The following PJA2 variants were observed in gnomAD, a reference collection of about 807,000 sequenced individuals.
PJA2 encodes the protein E3 ubiquitin-protein ligase Praja-2.
PJA2 carries 25 observed loss-of-function variants against 69.3 expected under a neutral mutation model. The ratio of observed to expected loss-of-function variants is 0.36; its 90% CI spans 0.26 to 0.50. The LOEUF is 0.50. Among genes scored for constraint, PJA2 ranks in the 20% least tolerant of loss-of-function variants. The pLI is 0.96. For synonymous variants in PJA2, 308 were observed against 277.8 expected (o/e 1.11, Z -1.08); for missense variants, 809 against 830.2 (o/e 0.97, Z 0.31).
chr5:109,360,064 G>A lies in PJA2; in HGVS notation c.1652+2776C>T, dbSNP rs920789884. Among the ~76,000 whole-genome samples, 20 of 152,168 alleles carry A rather than the reference G, an allele frequency of 1.3e-4. 1 individual carries two copies. The highest frequency in any genetic ancestry group is 4.8e-4 in the African/African-American group (20 of 41,452). On this transcript the variant is annotated intron_variant, in intron 6 of 9. Coordinates refer to ENST00000361189, the MANE Select transcript of PJA2 (RefSeq NM_014819.5). ...TAGGAAATCTTAGTGAAGGATACAT[G>A]AGGATTTTTGTACTATTTTTGCCAT...
In PJA2 at chr5:109,362,089, A is replaced by G. The variant is rs139086344; in HGVS notation, c.1652+751T>C. ...AAAAACAACACAAATTCTTAAAAAT[A>G]TATTTGTACAGAGAAAGAAACAAGT... On this transcript the variant is annotated intron_variant, in intron 6 of 9. Coordinates refer to ENST00000361189, the MANE Select transcript of PJA2 (RefSeq NM_014819.5). 6.6e-3 allele frequency among the ~76,000 whole-genome samples: 1,000 copies of G among 152,394 alleles called. 9 individuals carry two copies. The highest frequency in any genetic ancestry group is 0.023 in the African/African-American group (940 of 41,602).
chr5:109,398,239 T>A (rs1010442573), intron 1 of PJA2, among the ~76,000 whole-genome samples: 5 of 152,084 alleles, frequency 3.3e-5, no homozygotes, highest in Admixed American at 6.5e-5. Flanking sequence ...GGATCTAGAA[T>A]TAGAAATACC....
chr5:109,353,416 C>CATCTATATATTAGATACCTATATATAGAT lies in PJA2; in HGVS notation c.1764+2470_1764+2498dup, dbSNP rs1252285170. 8.4e-3 allele frequency among the ~76,000 whole-genome samples: 1,018 copies of CATCTATATATTAGATACCTATATATAGAT among 121,118 alleles called. 30 individuals are homozygous for CATCTATATATTAGATACCTATATATAGAT. Among genetic ancestry groups the CATCTATATATTAGATACCTATATATAGAT allele is most frequent in the African/African-American group, 0.024 (849 of 34,780 alleles). The allele number at this position is 121,118 out of a possible 152,430, so 79.5% of individuals were successfully genotyped here. A position where few individuals can be genotyped will look rare whatever the true frequency, so the allele number is the denominator to read the frequency against. The stretch of plus-strand genomic sequence containing the variant: ...TATATTAGATACCTATATCTATAGA[C>CATCTATATATTAGATACCTATATATAGAT]ATCTATATATTAGATACCTATATAT... On this transcript the variant is annotated intron_variant, in intron 7 of 9. Coordinates refer to ENST00000361189, the MANE Select transcript of PJA2 (RefSeq NM_014819.5).
intron 1 of PJA2, among the ~76,000 whole-genome samples, chr5:109,405,498 C>T (rs2963008): frequency 0.43 from 66,054 of 152,096 alleles, 17,633 homozygotes; most frequent in Middle Eastern, 0.59. Flanking sequence ...TTCATATTAC[C>T]TAATTTCAAT....
chr5:109,387,486 G>A (rs905201345), intron 1 of PJA2, among the ~76,000 whole-genome samples: 7 of 152,182 alleles, frequency 4.6e-5, no homozygotes, highest in Non-Finnish European at 5.9e-5. Flanking sequence ...TTGCTGATTA[G>A]TTGTTTCCTC....
intron 9 of PJA2, among the ~76,000 whole-genome samples, chr5:109,343,288 AAAAAGAAAG>A (rs796822843): frequency 2.5e-4 from 24 of 95,890 alleles, no homozygotes; most frequent in African/African-American, 4.6e-4. Flanking sequence ...AAAAAAAAAA[AAAAAGAAAG>A]AAAGAAAGAA....
intron 1 of PJA2, among the ~76,000 whole-genome samples, chr5:109,383,945 A>T (rs1747105376): frequency 6.6e-6 from 1 of 152,202 alleles, no homozygotes; most frequent in African/African-American, 2.4e-5. Context: ...AATAAAAACA[A>T]GAAAAATACA....
At chr5:109,394,373 T>C (rs1442558666) in intron 1 of PJA2, among the ~76,000 whole-genome samples, 1 of 152,122 alleles carries the variant, frequency 6.6e-6, no homozygotes, top group Non-Finnish European at 1.5e-5. Flanking sequence ...ACTTGGCTGG[T>C]GTTTATATTG....
intron 1 of PJA2, chr5:109,409,268 C>T (rs890613603): frequency 2.0e-5 from 3 of 152,192 alleles, no homozygotes; most frequent in Admixed American, 2.0e-4. Flanking sequence ...TGCTGCGGCT[C>T]GAGCGGGGTG....
intron 5 of PJA2, among the ~76,000 whole-genome samples, chr5:109,364,370 T>A (rs1012419221): frequency 6.6e-6 from 1 of 152,004 alleles, no homozygotes; most frequent in Admixed American, 6.6e-5. Context: ...ACGCCTGTAA[T>A]CCCAGCACTT....
intron 4 of PJA2, among the ~76,000 whole-genome samples, chr5:109,375,642 CA>C (rs1283042784): frequency 6.6e-6 from 1 of 151,946 alleles, no homozygotes; most frequent in East Asian, 1.9e-4. Context: ...TTAAGCTTTA[CA>C]AAAAAACTCA....
intron 7 of PJA2, among the ~76,000 whole-genome samples, chr5:109,348,042 A>G (rs1582586251): frequency 6.6e-6 from 1 of 152,310 alleles, no homozygotes; most frequent in East Asian, 1.9e-4. Context: ...GCTCCTTGCC[A>G]ATGAGAATGG....
At chr5:109,397,046 C>T (rs987974772) in intron 1 of PJA2, among the ~76,000 whole-genome samples, 3 of 152,148 alleles carry the variant, frequency 2.0e-5, no homozygotes, top group African/African-American at 7.2e-5. Context: ...GCTCTGCCCT[C>T]ATGAATGGAC....
At chr5:109,364,480 G>A (rs997286167) in intron 5 of PJA2, among the ~76,000 whole-genome samples, 5 of 151,302 alleles carry the variant, frequency 3.3e-5, no homozygotes, top group African/African-American at 4.8e-5. Context: ...AAAATTAGCC[G>A]GGCGTAGTGG....
intron 5 of PJA2, among the ~76,000 whole-genome samples, chr5:109,365,855 T>C (rs759893849): frequency 1.3e-5 from 2 of 152,158 alleles, no homozygotes; most frequent in African/African-American, 2.4e-5. Context: ...AGCCTAAAGA[T>C]AGCTAAAACT....
At chr5:109,358,839 A>G (rs1164963538) in intron 6 of PJA2, among the ~76,000 whole-genome samples, 1 of 152,204 alleles carries the variant, frequency 6.6e-6, no homozygotes, top group East Asian at 1.9e-4. Flanking sequence ...CATAAAACAA[A>G]AAACAAAAAA....
chr5:109,358,326 C>G (rs1386287339), intron 6 of PJA2, among the ~76,000 whole-genome samples: 3 of 152,212 alleles, frequency 2.0e-5, no homozygotes, highest in Non-Finnish European at 4.4e-5. Context: ...TTTATTTTGG[C>G]CCATCCCTTC....
chr5:109,357,334 C>T (rs938223554), intron 6 of PJA2, among the ~76,000 whole-genome samples: 3 of 145,444 alleles, frequency 2.1e-5, no homozygotes, highest in Admixed American at 1.4e-4. Flanking sequence ...ACCCATGTGC[C>T]GTAATTAAAA....
chr5:109,372,905 CA>C (rs528408590), intron 4 of PJA2, among the ~76,000 whole-genome samples: 6,563 of 35,444 alleles, frequency 0.19, 301 homozygotes, highest in Non-Finnish European at 0.27. Context: ...CACTCCGTCT[CA>C]AAAAAAAAAA....
Sources: gnomAD v4.1 joint callset for allele counts (sites outside exome capture counted in the v4.1 genomes callset) on GRCh38, gnomAD v4.1.1 for gene constraint, MANE v1.5 for transcripts, NCBI Gene and HGNC (gene_info 2026-07-23, HGNC 2026-07-21) for gene names.